Variants in WWOX observed in about 807,000 individuals in gnomAD.
WWOX encodes WW domain containing oxidoreductase.
A neutral mutation model predicts 46.2 loss-of-function variants in WWOX; 69 were observed. That is an observed-to-expected ratio of 1.49 (90% CI 1.23 to 1.82). The LOEUF (loss-of-function observed/expected upper bound fraction) is 1.82, where lower values mean the gene tolerates loss of function less well. Among genes scored for constraint, WWOX ranks in the 40% most tolerant of loss-of-function variants. The pLI is 0.00. For synonymous variants in WWOX, 359 were observed against 202.6 expected (o/e 1.77, Z -6.56); for missense variants, 919 against 542.6 (o/e 1.69, Z -6.89).
intron 8 of WWOX, among the ~76,000 whole-genome samples, chr16:78,929,297 A>G (rs1299016076): frequency 6.6e-6 from 1 of 151,472 alleles, no homozygotes; most frequent in African/African-American, 2.4e-5. Context: ...TCTCTTTTTT[A>G]AGAGCCTCAA....
intron 5 of WWOX, among the ~76,000 whole-genome samples, chr16:78,382,650 G>A (rs1218985157): frequency 1.3e-5 from 2 of 152,164 alleles, no homozygotes; most frequent in East Asian, 1.9e-4. Flanking sequence ...AACGAGGCCT[G>A]AACTTTTCAT....
chr16:78,780,894 G>A (rs958115563), intron 8 of WWOX, among the ~76,000 whole-genome samples: 2 of 152,194 alleles, frequency 1.3e-5, no homozygotes, highest in Non-Finnish European at 2.9e-5. Context: ...TTAAAGATCT[G>A]TCTGGCTGCC....
intron 8 of WWOX, among the ~76,000 whole-genome samples, chr16:78,563,490 A>AACACACACAC (rs61298369): frequency 1.7e-4 from 24 of 137,878 alleles, no homozygotes; most frequent in South Asian, 4.7e-4. Flanking sequence ...CGTGTGGGTG[A>AACACACACAC]ACACACACAC....
chr16:79,181,433 T>C (rs183836724), intron 8 of WWOX, among the ~76,000 whole-genome samples: 2 of 152,204 alleles, frequency 1.3e-5, no homozygotes, highest in Admixed American at 1.3e-4. Flanking sequence ...ATACTGCTGG[T>C]TTTAATTTTG....
chr16:78,111,200 A>G (rs1327188799), intron 3 of WWOX, among the ~76,000 whole-genome samples: 1 of 152,176 alleles, frequency 6.6e-6, no homozygotes, highest in Non-Finnish European at 1.5e-5. Context: ...ATGTGGGCGA[A>G]AGAGTACCTA....
intron 8 of WWOX, among the ~76,000 whole-genome samples, chr16:78,819,110 C>A (rs535943290): frequency 6.6e-6 from 1 of 152,318 alleles, no homozygotes; most frequent in East Asian, 1.9e-4. Flanking sequence ...GAAAAGCGTT[C>A]ACTCTTCTGC....
intron 8 of WWOX, among the ~76,000 whole-genome samples, chr16:79,024,284 G>T (rs921095596): frequency 6.6e-6 from 1 of 152,084 alleles, no homozygotes; most frequent in Non-Finnish European, 1.5e-5. Flanking sequence ...TTAGGGACAG[G>T]GCCTTACGCT....
At chr16:78,462,876 G>T (rs1244463673) in intron 8 of WWOX, among the ~76,000 whole-genome samples, 2 of 152,176 alleles carry the variant, frequency 1.3e-5, no homozygotes, top group Non-Finnish European at 2.9e-5. Context: ...CCTGGGTCTT[G>T]CCCTGTCCTT....
At chr16:79,136,074 A>G (rs1035627618) in intron 8 of WWOX, among the ~76,000 whole-genome samples, 4 of 152,278 alleles carry the variant, frequency 2.6e-5, no homozygotes, top group African/African-American at 9.6e-5. Flanking sequence ...CTGAATGCAC[A>G]GTGAATTTGG....
intron 5 of WWOX, among the ~76,000 whole-genome samples, chr16:78,262,097 CAAAAAAAAA>C (rs752161345): frequency 6.4e-5 from 4 of 62,610 alleles, no homozygotes; most frequent in Non-Finnish European, 8.5e-5. Context: ...GAAACTCTGT[CAAAAAAAAA>C]AAAAAAAAAA....
chr16:78,525,829 A>G (rs998299429), intron 8 of WWOX: 1 of 131,324 alleles, frequency 7.6e-6, no homozygotes, highest in African/African-American at 2.8e-5. Context: ...AAGTTTCAGA[A>G]AGATGCACAC....
intron 8 of WWOX, among the ~76,000 whole-genome samples, chr16:78,796,730 G>C (rs1006793280): frequency 6.6e-6 from 1 of 152,172 alleles, no homozygotes; most frequent in South Asian, 2.1e-4. Context: ...GGAGCCAGAA[G>C]CATTCTTCAG....
intron 8 of WWOX, among the ~76,000 whole-genome samples, chr16:79,187,568 C>G (rs1433346609): frequency 6.6e-6 from 1 of 152,160 alleles, no homozygotes; most frequent in African/African-American, 2.4e-5. Flanking sequence ...CACACCGCCA[C>G]CACGCCCAGC....
chr16:78,928,883 G>A (rs141405850), intron 8 of WWOX, among the ~76,000 whole-genome samples: 15 of 152,190 alleles, frequency 9.9e-5, no homozygotes, highest in Middle Eastern at 3.4e-3. Flanking sequence ...GGCTTCCTTC[G>A]AGTTAAATTT....
chr16:79,013,605 C>G (rs1268752638), intron 8 of WWOX, among the ~76,000 whole-genome samples: 1 of 152,124 alleles, frequency 6.6e-6, no homozygotes, highest in African/African-American at 2.4e-5. Flanking sequence ...AGCCCACTCA[C>G]CAAGGGTTAG....
chr16:78,359,266 T>G (rs1282433300), intron 5 of WWOX, among the ~76,000 whole-genome samples: 1 of 152,236 alleles, frequency 6.6e-6, no homozygotes, highest in Non-Finnish European at 1.5e-5. Context: ...GGCAATTTGT[T>G]CCAATATTCT....
chr16:79,009,081 G>C (rs1348480999), intron 8 of WWOX, among the ~76,000 whole-genome samples: 1 of 152,180 alleles, frequency 6.6e-6, no homozygotes, highest in Non-Finnish European at 1.5e-5. Flanking sequence ...CCACGGAGCT[G>C]GCAGAGGGGG....
intron 8 of WWOX, among the ~76,000 whole-genome samples, chr16:79,174,313 T>C (rs2050757840): frequency 6.6e-6 from 1 of 152,194 alleles, no homozygotes; most frequent in Non-Finnish European, 1.5e-5. Context: ...AATACAATAA[T>C]TAGTGCCTTG....
intron 7 of WWOX, among the ~76,000 whole-genome samples, chr16:78,431,224 G>A (rs908562912): frequency 6.6e-6 from 1 of 152,212 alleles, no homozygotes; most frequent in African/African-American, 2.4e-5. Context: ...TAGTTACGTT[G>A]ATTTGTGTAC....
Sources: allele counts gnomAD v4.1 joint callset (sites outside exome capture counted in the v4.1 genomes callset), GRCh38; gene constraint gnomAD v4.1.1; transcripts MANE v1.5; gene names NCBI Gene and HGNC (gene_info 2026-07-23, HGNC 2026-07-21).